Variants in USH2A observed in about 807,000 individuals in gnomAD.
USH2A encodes the protein Usher syndrome 2A (autosomal recessive, mild).
A neutral mutation model predicts 538.9 loss-of-function variants in USH2A; 443 were observed. That is an observed-to-expected ratio of 0.82 (90% confidence interval 0.76 to 0.89). The LOEUF is 0.89. Among genes scored for constraint, USH2A ranks in the 40% least tolerant of loss-of-function variants. USH2A has a pLI of 0.00. For missense variants in USH2A, 6,633 were observed against 6,324.8 expected, an observed-to-expected ratio of 1.05 and a Z score of -1.65; for synonymous variants, 2,413 against 2,273.5, an observed-to-expected ratio of 1.06 and a Z score of -1.75.
intron 12 of USH2A, among the ~76,000 whole-genome samples, chr1:216,250,440 TA>T (rs2036135413): frequency 6.6e-6 from 1 of 151,886 alleles, no homozygotes; most frequent in Admixed American, 6.6e-5. Context: ...CAAAGAAATA[TA>T]ACAGAAAAAA....
At chr1:215,917,028 T>C (rs561177938) in intron 38 of USH2A, among the ~76,000 whole-genome samples, 4 of 152,138 alleles carry the variant, frequency 2.6e-5, no homozygotes, top group South Asian at 4.2e-4. Context: ...CAGAGAAAAA[T>C]AGCGATTTTG....
chr1:215,694,054 G>A (rs919439331), intron 61 of USH2A, among the ~76,000 whole-genome samples: 8 of 152,062 alleles, frequency 5.3e-5, no homozygotes, highest in African/African-American at 1.9e-4. Flanking sequence ...ATATAAATAA[G>A]GCCTATTAGA....
chr1:215,677,933 T>A (rs1273036550), intron 62 of USH2A, among the ~76,000 whole-genome samples: 1 of 152,220 alleles, frequency 6.6e-6, no homozygotes, highest in Non-Finnish European at 1.5e-5. Context: ...AACTTGTTCA[T>A]CTTCCAGTCT....
chr1:215,997,046 C>T (rs1035932543), intron 34 of USH2A, among the ~76,000 whole-genome samples: 2 of 152,136 alleles, frequency 1.3e-5, no homozygotes, highest in Middle Eastern at 3.2e-3. Flanking sequence ...ATCTACTAAT[C>T]TAATGACCTT....
intron 3 of USH2A, among the ~76,000 whole-genome samples, chr1:216,408,689 C>T (rs2039434532): frequency 6.6e-6 from 1 of 152,146 alleles, no homozygotes; most frequent in South Asian, 2.1e-4. Context: ...GGCTTCTTGG[C>T]ATAGCCAAAT....
chr1:216,388,021 A>C (rs1026971161), intron 3 of USH2A, among the ~76,000 whole-genome samples: 3 of 152,142 alleles, frequency 2.0e-5, no homozygotes, highest in Non-Finnish European at 2.9e-5. Context: ...TTCCCCTTGA[A>C]TAGCATTATT....
At chr1:216,345,058 T>G (rs1043494746) in intron 4 of USH2A, among the ~76,000 whole-genome samples, 4 of 151,846 alleles carry the variant, frequency 2.6e-5, no homozygotes, top group African/African-American at 9.7e-5. Flanking sequence ...TCATGACAGA[T>G]CCCTTCAAGC....
chr1:215,982,087 C>G (rs1376653128), intron 35 of USH2A, among the ~76,000 whole-genome samples: 1 of 152,200 alleles, frequency 6.6e-6, no homozygotes, highest in East Asian at 1.9e-4. Flanking sequence ...AGCTTCCAAG[C>G]CAATTGTCTT....
intron 67 of USH2A, among the ~76,000 whole-genome samples, chr1:215,643,671 G>C (rs536554685): frequency 6.6e-6 from 1 of 151,928 alleles, no homozygotes; most frequent in Non-Finnish European, 1.5e-5. Flanking sequence ...GACTACAGGC[G>C]CATGTCACCA....
chr1:215,658,167 C>T (rs1461008347), intron 64 of USH2A, among the ~76,000 whole-genome samples: 1 of 151,918 alleles, frequency 6.6e-6, no homozygotes, highest in African/African-American at 2.4e-5. Flanking sequence ...GATCTCCTGA[C>T]CTCGTGATCC....
chr1:216,328,942 G>A (rs576209802), intron 4 of USH2A, among the ~76,000 whole-genome samples: 1 of 152,182 alleles, frequency 6.6e-6, no homozygotes, highest in East Asian at 1.9e-4. Flanking sequence ...TGTATTCTCA[G>A]CTGATGTAGT....
At chr1:215,643,760 C>G (rs934695724) in intron 67 of USH2A, among the ~76,000 whole-genome samples, 10 of 152,182 alleles carry the variant, frequency 6.6e-5, no homozygotes, top group African/African-American at 2.4e-4. Context: ...GAACTCTTAG[C>G]CTCAAGCAAT....
intron 67 of USH2A, among the ~76,000 whole-genome samples, chr1:215,643,198 A>T (rs1339564495): frequency 3.9e-5 from 6 of 152,004 alleles, no homozygotes. Context: ...GGGTTTCACC[A>T]TGCTGGCCAG....
rs963008494 is a variant in USH2A at position 215,639,162 on chromosome 1, A to G, written c.15045T>C (p.Thr5015=). 4 of 1,614,036 alleles carry G rather than the reference A, an allele frequency of 2.5e-6. No homozygotes were observed. Among genetic ancestry groups the G allele is most frequent in the Non-Finnish European group, 3.4e-6 (4 of 1,179,996 alleles). Residue 5015 remains threonine (T), a synonymous_variant, in exon 69 of 72, where the codon ACT becomes ACC. Transcript: ENST00000307340. ...ATAATATGAGTTGTTTACCAAGTCCAGTAGAGGTATCATATTGGATCAACG... is the reference window on the plus strand; with the variant it reads ...ATAATATGAGTTGTTTACCAAGTCCGGTAGAGGTATCATATTGGATCAACG... The part of the protein sequence containing the change: ...KTPLIQYDTS[T]GLGLVLTTPG...
At chr1:215,904,955 G>A (rs550692176) in intron 38 of USH2A, among the ~76,000 whole-genome samples, 1 of 151,994 alleles carries the variant, frequency 6.6e-6, no homozygotes, top group East Asian at 1.9e-4. Flanking sequence ...ATACGCCACT[G>A]GACTCTCATC....
At chr1:215,836,565 A>ATATATT (rs1553267793) in intron 47 of USH2A, among the ~76,000 whole-genome samples, 3 of 32,878 alleles carry the variant, frequency 9.1e-5, no homozygotes, top group East Asian at 2.2e-3. Flanking sequence ...ATATATATAT[A>ATATATT]TTTTTTTTTG....
Position 215,766,798 on chromosome 1 carries a change from G to A in USH2A, c.10940-10C>T. The A allele has an allele frequency of 6.2e-7, 1 of 1,610,414 alleles. No individual in the cohort carries two copies. On this transcript the variant is annotated splice_polypyrimidine_tract_variant and intron_variant, in intron 55 of 71. Transcript: ENST00000307340. ...GTGTATGGCTGGAGACCTAGAAAAA[G>A]CAAGCAAGAAATAAAGTGCACCTTA...
intron 30 of USH2A, among the ~76,000 whole-genome samples, chr1:216,056,953 T>A (rs1308730887): frequency 1.3e-5 from 2 of 152,216 alleles, no homozygotes; most frequent in African/African-American, 4.8e-5. Flanking sequence ...TTATCAACTA[T>A]GATTGATAAC....
Position 215,878,900 on chromosome 1 carries a change from C to T in USH2A, c.8422G>A (p.Glu2808Lys). The change falls in exon 42 of 72, where the codon GAG (glutamate) becomes AAG (lysine). Residue 2808 changes from glutamate (E) to lysine (K), a missense_variant. Physicochemically the swap from Glu to Lys is moderately conservative, Grantham distance 56. Coordinates refer to ENST00000307340, the MANE Select transcript of USH2A (RefSeq NM_206933.4). ...GTGGTAACATAGGTAGGTAAACTCT[C>T]TGTGCACCCTCCAAGGTACCCATTA... ...GGNGYLGGCT[E>K]SLPTYVTTHP... 2.5e-6 allele frequency: 4 copies of T among 1,614,038 alleles called. No homozygotes were observed. The highest frequency in any genetic ancestry group is 3.4e-6 in the Non-Finnish European group (4 of 1,179,966).
Sources: gnomAD v4.1 joint callset for allele counts (sites outside exome capture counted in the v4.1 genomes callset) on GRCh38, gnomAD v4.1.1 for gene constraint, MANE v1.5 for transcripts, NCBI Gene and HGNC (gene_info 2026-07-23, HGNC 2026-07-21) for gene names.